LRP1B: variants seen among roughly 807,000 people sequenced by gnomAD.
LRP1B encodes low-density lipoprotein receptor-related protein 1B.
Under a neutral mutation model 556.6 loss-of-function variants are expected in LRP1B, and 217 were observed. The ratio of observed to expected loss-of-function variants is 0.39; its 90% CI spans 0.35 to 0.44. LRP1B has a LOEUF of 0.44. Among genes scored for constraint, LRP1B ranks in the 20% least tolerant of loss-of-function variants. The probability of loss-of-function intolerance (pLI) is 1.00; values close to 1 mark genes in which losing one functional copy is unlikely to be tolerated. For synonymous variants in LRP1B, 2,047 were observed against 1,865.8 expected, an observed-to-expected ratio of 1.10 and a Z score of -2.50; for missense variants, 5,053 against 5,620.8, an observed-to-expected ratio of 0.90 and a Z score of 3.23.
chr2:140,665,399 T>C (rs1031798863), intron 41 of LRP1B, among the ~76,000 whole-genome samples: 1 of 152,212 alleles, frequency 6.6e-6, no homozygotes, highest in Non-Finnish European at 1.5e-5. Context: ...CCAGTATTTT[T>C]CTACAACATA....
chr2:140,444,643 C>T lies in LRP1B; in HGVS notation c.10094G>A (p.Gly3365Glu), dbSNP rs765058954. 2 of 1,613,874 alleles carry T rather than the reference C, an allele frequency of 1.2e-6. No homozygotes were observed. Among genetic ancestry groups the T allele is most frequent in the Non-Finnish European group, 8.5e-7 (1 of 1,179,896 alleles). Residue 3365 changes from glycine (G) to glutamate (E), a missense_variant, in exon 64 of 91, where the codon GGG (glycine) becomes GAG (glutamate). Gly to Glu is a moderately conservative substitution (Grantham distance 98). Transcript: ENST00000389484. ...FRCQPGRFQCGTGLCALPAFI... is the reference protein window; with the variant it reads ...FRCQPGRFQCETGLCALPAFI... ...AGCTGGTAGAGCACAGAGTCCAGTC[C>T]CACACTGAAATCGGCCTGGCTGACA...
chr2:141,107,971 C>T (rs759124760), intron 7 of LRP1B, among the ~76,000 whole-genome samples: 3 of 152,068 alleles, frequency 2.0e-5, no homozygotes, highest in Non-Finnish European at 4.4e-5. Flanking sequence ...CTACCAAGTA[C>T]TCATTATATC....
chr2:141,015,689 CT>C lies in LRP1B; in HGVS notation c.2190+6del. The C allele has an allele frequency of 1.2e-6, 2 of 1,603,534 alleles. No individual in the cohort carries two copies. The highest frequency in any genetic ancestry group is 1.7e-4 in the Middle Eastern group (1 of 6,016). On this transcript the variant is annotated splice_donor_region_variant and intron_variant, in intron 13 of 90. Coordinates refer to ENST00000389484, the MANE Select transcript of LRP1B (RefSeq NM_018557.3). ...GTGGGTTAAAAACAGCAGCATTTGT[CT>C]TTTACCTTCCTGTGAGTCCCATTCA...
chr2:140,551,045 G>A (rs1013997684), intron 43 of LRP1B, among the ~76,000 whole-genome samples: 1 of 152,000 alleles, frequency 6.6e-6, no homozygotes, highest in African/African-American at 2.4e-5. Flanking sequence ...GCCAGGAAGC[G>A]GTAAAGCCAT....
At chr2:141,354,457 T>C (rs1469802773) in intron 3 of LRP1B, among the ~76,000 whole-genome samples, 1 of 152,028 alleles carries the variant, frequency 6.6e-6, no homozygotes, top group Non-Finnish European at 1.5e-5. Flanking sequence ...ATGCAAAGAA[T>C]GAAGAGTAAA....
At chr2:140,591,904 CTCA>C (rs1476247865) in intron 43 of LRP1B, among the ~76,000 whole-genome samples, 15 of 152,066 alleles carry the variant, frequency 9.9e-5, no homozygotes, top group Admixed American at 9.8e-4. Context: ...TTTTCAAGAA[CTCA>C]TCATCAGTTT....
At chr2:141,714,188 C>G (rs1692481082) in intron 2 of LRP1B, among the ~76,000 whole-genome samples, 2 of 152,064 alleles carry the variant, frequency 1.3e-5, no homozygotes, top group South Asian at 4.1e-4. Flanking sequence ...TGAAAAACTT[C>G]AAGTATGTGA....
intron 2 of LRP1B, among the ~76,000 whole-genome samples, chr2:141,766,000 T>G (rs1400358260): frequency 1.3e-5 from 2 of 152,190 alleles, no homozygotes; most frequent in Non-Finnish European, 2.9e-5. Flanking sequence ...AAGGAGCACG[T>G]GAAAAAAATC....
intron 14 of LRP1B, among the ~76,000 whole-genome samples, chr2:141,008,346 C>T (rs980571009): frequency 6.6e-6 from 1 of 150,824 alleles, no homozygotes; most frequent in Non-Finnish European, 1.5e-5. Flanking sequence ...AATATGTGAT[C>T]GTCTAAATGA....
chr2:141,885,311 T>C (rs1294858886), intron 1 of LRP1B, among the ~76,000 whole-genome samples: 2 of 152,140 alleles, frequency 1.3e-5, no homozygotes, highest in African/African-American at 4.8e-5. Context: ...GATGTAGGAA[T>C]TGCTATGGGC....
At chr2:141,565,530 TAAAG>T (rs964260782) in intron 2 of LRP1B, among the ~76,000 whole-genome samples, 10 of 152,166 alleles carry the variant, frequency 6.6e-5, no homozygotes, top group African/African-American at 2.4e-4. Context: ...TGGGATGCAA[TAAAG>T]ATTTTATTAT....
chr2:141,929,838 C>A lies in LRP1B; in HGVS notation c.83-119437G>T, dbSNP rs1029741612. 1.1e-3 allele frequency among the ~76,000 whole-genome samples: 160 copies of A among 141,666 alleles called. 2 individuals carry two copies. Among genetic ancestry groups the A allele is most frequent in the African/African-American group, 3.8e-3 (143 of 38,102 alleles). 92.9% of individuals were successfully genotyped at this position (141,666 alleles called of 152,430 possible). A position where few individuals can be genotyped will look rare whatever the true frequency, so the allele number is the denominator to read the frequency against. On this transcript the variant is annotated intron_variant, in intron 1 of 90. Coordinates refer to ENST00000389484, the MANE Select transcript of LRP1B (RefSeq NM_018557.3). Reference sequence around the variant, plus strand: ...CTGAGCACAAGGTTAACATCTGGGTCTCAGAGATGAGTAAAATACAGTCTC... The same window carrying A: ...CTGAGCACAAGGTTAACATCTGGGTATCAGAGATGAGTAAAATACAGTCTC...
intron 1 of LRP1B, among the ~76,000 whole-genome samples, chr2:141,820,375 G>T (rs565233323): frequency 1.1e-4 from 17 of 152,088 alleles, no homozygotes; most frequent in Non-Finnish European, 2.4e-4. Context: ...GTTAAGGAAA[G>T]GTAGACCAAA....
At chr2:141,480,340 T>G (rs1184874789) in intron 3 of LRP1B, 56 bp downstream of exon 3, 2 of 1,593,460 alleles carry the variant, frequency 1.3e-6, no homozygotes, top group Non-Finnish European at 1.7e-6. Flanking sequence ...TCTTTGAACT[T>G]TCATTACTAT....
chr2:140,534,067 A>G lies in LRP1B; in HGVS notation c.7716T>C (p.Asp2572=). 4 of 1,613,408 alleles carry G rather than the reference A, an allele frequency of 2.5e-6. No homozygotes were observed. The highest frequency in any genetic ancestry group is 3.4e-6 in the Non-Finnish European group (4 of 1,179,486). ...AGTTGTCTCCGCAGTCATTTTCTCCATCACATAACTTGCCATGAGGAATGC... is the reference window on the plus strand; with the variant it reads ...AGTTGTCTCCGCAGTCATTTTCTCCGTCACATAACTTGCCATGAGGAATGC... ...RRCIPHGKLC[D]GENDCGDNSD... The change falls in exon 47 of 91, where the codon GAT becomes GAC. Residue 2572 remains aspartate, a synonymous_variant. Transcript: ENST00000389484.
chr2:141,095,674 G>T (rs1383127371), intron 7 of LRP1B, among the ~76,000 whole-genome samples: 2 of 151,898 alleles, frequency 1.3e-5, no homozygotes, highest in African/African-American at 4.8e-5. Context: ...TTGTACTATG[G>T]TACAATTAAG....
At chr2:141,704,020 G>A (rs1692051585) in intron 2 of LRP1B, among the ~76,000 whole-genome samples, 1 of 151,800 alleles carries the variant, frequency 6.6e-6, no homozygotes. Context: ...CAGTGATTCT[G>A]ATGAGAGATT....
At chr2:141,891,973 A>T (rs1247945690) in intron 1 of LRP1B, among the ~76,000 whole-genome samples, 2 of 152,064 alleles carry the variant, frequency 1.3e-5, no homozygotes, top group Non-Finnish European at 2.9e-5. Context: ...AAATAAAACA[A>T]CATTCATTTG....
chr2:141,443,342 A>G (rs1681058097), intron 3 of LRP1B, among the ~76,000 whole-genome samples: 1 of 152,040 alleles, frequency 6.6e-6, no homozygotes, highest in Non-Finnish European at 1.5e-5. Context: ...ACTTTGTCAG[A>G]TGGATAGGTT....
Sources: gnomAD v4.1 joint callset for allele counts (sites outside exome capture counted in the v4.1 genomes callset) on GRCh38, gnomAD v4.1.1 for gene constraint, MANE v1.5 for transcripts, NCBI Gene and HGNC (gene_info 2026-07-23, HGNC 2026-07-21) for gene names.